The following NRG1 variants were observed in gnomAD, a reference collection of about 807,000 sequenced individuals.
The protein encoded by NRG1 is pro-neuregulin-1, membrane-bound isoform.
In NRG1, 18 loss-of-function variants were observed where a neutral mutation model predicts 63.8. The observed-to-expected ratio is 0.28, with a 90% CI of 0.19 to 0.42. NRG1 has a LOEUF of 0.42. NRG1 is among the 10% of genes least tolerant of loss of function. NRG1 has a pLI of 1.00. For missense variants in NRG1, 762 were observed against 814.7 expected, an observed-to-expected ratio of 0.94 and a Z score of 0.79; for synonymous variants, 302 against 301.3, an observed-to-expected ratio of 1.00 and a Z score of -0.02.
At chr8:31,699,566 G>C (rs1810424288) in intron 1 of NRG1, among the ~76,000 whole-genome samples, 1 of 152,106 alleles carries the variant, frequency 6.6e-6, no homozygotes, top group South Asian at 2.1e-4. Flanking sequence ...TATAAAGTGT[G>C]GTGTTTGCAC....
intron 5 of NRG1, among the ~76,000 whole-genome samples, chr8:32,689,061 A>T (rs1810915797): frequency 6.6e-6 from 1 of 152,188 alleles, no homozygotes; most frequent in African/African-American, 2.4e-5. Flanking sequence ...TTGAATACCC[A>T]AAGGGGTTGA....
intron 1 of NRG1, among the ~76,000 whole-genome samples, chr8:32,369,179 G>T (rs1808473703): frequency 6.6e-6 from 1 of 152,230 alleles, no homozygotes; most frequent in Non-Finnish European, 1.5e-5. Flanking sequence ...GGCTTCTTCA[G>T]CCTTTGGTTT....
chr8:32,149,508 A>G (rs986096066), intron 1 of NRG1, among the ~76,000 whole-genome samples: 9 of 118,868 alleles, frequency 7.6e-5, no homozygotes, highest in Non-Finnish European at 1.7e-4. Flanking sequence ...ACTGCACTGA[A>G]CAAATCATTT....
chr8:32,032,864 G>A (rs1818477255), intron 1 of NRG1, among the ~76,000 whole-genome samples: 1 of 152,034 alleles, frequency 6.6e-6, no homozygotes, highest in South Asian at 2.1e-4. Context: ...GTCCTAAATG[G>A]TATTGCCTAG....
intron 8 of NRG1, among the ~76,000 whole-genome samples, chr8:32,755,508 G>A (rs1398858036): frequency 6.6e-6 from 1 of 152,070 alleles, no homozygotes; most frequent in Non-Finnish European, 1.5e-5. Flanking sequence ...GAGTCGACCT[G>A]GTGAGTCTCA....
intron 1 of NRG1, among the ~76,000 whole-genome samples, chr8:31,899,462 G>A (rs1049190610): frequency 2.6e-5 from 4 of 152,074 alleles, no homozygotes; most frequent in Admixed American, 6.5e-5. Flanking sequence ...CAAGCTTGGT[G>A]TTCTGCATTT....
chr8:31,818,293 T>A (rs1236733857), intron 1 of NRG1, among the ~76,000 whole-genome samples: 1 of 152,208 alleles, frequency 6.6e-6, no homozygotes, highest in Non-Finnish European at 1.5e-5. Flanking sequence ...TGGATTCACA[T>A]TAAAACAATT....
Position 32,269,415 on chromosome 8 carries a change from T to C in NRG1, c.38-326413T>C, listed in dbSNP as rs1851317429. Among the ~76,000 whole-genome samples the C allele has an allele frequency of 3.9e-5, 6 of 152,216 alleles. No homozygotes were observed. The South Asian group carries it at 1.2e-3, about 32-fold the overall frequency. On this transcript the variant is annotated intron_variant, in intron 1 of 10. Transcript: ENST00000519301. ...CCCTGGGAATTGTGAATGTTTCCCATTACATCCTGCCAACGATTCTTATTA... is the reference window on the plus strand; with the variant it reads ...CCCTGGGAATTGTGAATGTTTCCCACTACATCCTGCCAACGATTCTTATTA...
intron 1 of NRG1, among the ~76,000 whole-genome samples, chr8:31,877,483 ATG>A (rs34418283): frequency 1.3e-5 from 2 of 150,862 alleles, no homozygotes. Flanking sequence ...CCATGTATGT[ATG>A]TGTGTGTGTG....
At chr8:31,695,820 T>A (rs754082537) in intron 1 of NRG1, among the ~76,000 whole-genome samples, 11 of 151,770 alleles carry the variant, frequency 7.2e-5, no homozygotes, top group Non-Finnish European at 1.5e-4. Context: ...AGCCAATAAA[T>A]ATAAGTGGCA....
At chr8:31,751,952 A>G (rs1425083461) in intron 1 of NRG1, among the ~76,000 whole-genome samples, 1 of 151,972 alleles carries the variant, frequency 6.6e-6, no homozygotes, top group Non-Finnish European at 1.5e-5. Context: ...AGGAGCATGG[A>G]TCACCTATTT....
At chr8:31,824,608 T>C (rs1824355163) in intron 1 of NRG1, among the ~76,000 whole-genome samples, 1 of 152,218 alleles carries the variant, frequency 6.6e-6, no homozygotes, top group South Asian at 2.1e-4. Context: ...GCTTTACATA[T>C]CTTGTTTCCT....
chr8:32,385,674 A>T (rs1810926994), intron 1 of NRG1, among the ~76,000 whole-genome samples: 1 of 152,076 alleles, frequency 6.6e-6, no homozygotes. Flanking sequence ...ACCAAGGGGG[A>T]TGGTGTTAAA....
intron 1 of NRG1, among the ~76,000 whole-genome samples, chr8:32,496,399 G>C (rs969423933): frequency 6.6e-6 from 1 of 152,114 alleles, no homozygotes; most frequent in Non-Finnish European, 1.5e-5. Flanking sequence ...CTGGGCAATA[G>C]AGTGGGACCC....
intron 1 of NRG1, among the ~76,000 whole-genome samples, chr8:32,177,556 T>G (rs1025097464): frequency 6.6e-6 from 1 of 152,040 alleles, no homozygotes; most frequent in African/African-American, 2.4e-5. Flanking sequence ...CCCCCATCCC[T>G]TGACAGGCCC....
At chr8:32,475,375 G>A (rs1824384854) in intron 1 of NRG1, among the ~76,000 whole-genome samples, 2 of 144,628 alleles carry the variant, frequency 1.4e-5, no homozygotes, top group African/African-American at 5.1e-5. Flanking sequence ...TGAGGTAGGA[G>A]ATTCACTTGA....
chr8:32,041,598 A>G (rs1283451621), intron 1 of NRG1, among the ~76,000 whole-genome samples: 1 of 152,210 alleles, frequency 6.6e-6, no homozygotes, highest in Non-Finnish European at 1.5e-5. Context: ...TGACGGTGAC[A>G]GCAGCTGAGG....
intron 1 of NRG1, among the ~76,000 whole-genome samples, chr8:32,111,737 A>T (rs1282414217): frequency 6.6e-6 from 1 of 152,172 alleles, no homozygotes; most frequent in African/African-American, 2.4e-5. Context: ...ACTCAGGAAG[A>T]TCCACATGGG....
chr8:32,503,778 C>T (rs531760872), intron 1 of NRG1, among the ~76,000 whole-genome samples: 36 of 152,010 alleles, frequency 2.4e-4, no homozygotes, highest in Non-Finnish European at 2.9e-4. Flanking sequence ...AGTGAGAGAC[C>T]GAGGCAAGTT....
Sources: gnomAD v4.1 joint callset for allele counts (sites outside exome capture counted in the v4.1 genomes callset) on GRCh38, gnomAD v4.1.1 for gene constraint, MANE v1.5 for transcripts, NCBI Gene and HGNC (gene_info 2026-07-23, HGNC 2026-07-21) for gene names.